The following PLXNA2 variants were observed in gnomAD, a reference collection of about 807,000 sequenced individuals.
PLXNA2 encodes plexin A2.
PLXNA2 carries 91 observed loss-of-function variants against 193.5 expected under a neutral mutation model. That is an observed-to-expected ratio of 0.47 (90% CI 0.40 to 0.56). The LOEUF (loss-of-function observed/expected upper bound fraction) is 0.56. Ranked by LOEUF, PLXNA2 falls within the 20% of genes least tolerant of loss-of-function variation. The pLI, the probability that PLXNA2 is intolerant of heterozygous loss-of-function variation, is 0.00. For synonymous variants in PLXNA2, 997 were observed against 1,027.3 expected, an observed-to-expected ratio of 0.97 and a Z score of 0.56; for missense variants, 1,995 against 2,503.2, an observed-to-expected ratio of 0.80 and a Z score of 4.33.
chr1:208,080,323 CT>C (rs544786677), intron 11 of PLXNA2, among the ~76,000 whole-genome samples: 1,519 of 151,490 alleles, frequency 0.01, 13 homozygotes, highest in Middle Eastern at 0.041. Context: ...AACCCTTTGT[CT>C]TTTTTTTTGT....
chr1:208,028,269 TC>T lies in PLXNA2; in HGVS notation c.5439-111del. On this transcript the variant is annotated intron_variant, in intron 30 of 31. Transcript: ENST00000367033. This position sits in a 1 kb window ranked among gnomAD's most constrained non-coding sequence, Gnocchi z 4.2. The stretch of plus-strand genomic sequence containing the variant: ...ACTGATGTACCCAGTTGCTCCTGCC[TC>T]CCTATTTCTCTTCTGATGTGGCTTC... 1.0e-6 allele frequency: 1 copy of T among 977,786 alleles called. No homozygotes were observed. The highest frequency in any genetic ancestry group is 1.5e-6 in the Non-Finnish European group (1 of 671,632). The allele number at this position is 977,786 out of a possible 1,614,324, so 60.6% of individuals were successfully genotyped here. A position where few individuals can be genotyped will look rare whatever the true frequency, so the allele number is the denominator to read the frequency against.
At chr1:208,192,486 C>G (rs192637516) in intron 3 of PLXNA2, among the ~76,000 whole-genome samples, 2 of 152,072 alleles carry the variant, frequency 1.3e-5, no homozygotes, top group African/African-American at 4.8e-5. Flanking sequence ...CCTAACCCTA[C>G]TAGAAGAAAT....
rs1671864701 is a variant in PLXNA2, at chr1:208,236,620, C to T, written c.-81+7023G>A. On this transcript the variant is annotated intron_variant, in intron 1 of 31. Transcript: ENST00000367033. This position sits in a 1 kb window ranked among gnomAD's most constrained non-coding sequence, Gnocchi z 4.4. ...ACAATCCATAGGCTCCGCTGACATT[C>T]TGAGCTGTCCCTGGCGTGTTCTCGT... Among the ~76,000 whole-genome samples, 1 of 152,236 alleles carries T rather than the reference C, an allele frequency of 6.6e-6. No individual in the cohort carries two copies. Among genetic ancestry groups the T allele is most frequent in the African/African-American group, 2.4e-5 (1 of 41,456 alleles).
chr1:208,182,867 T>G (rs1669888431), intron 3 of PLXNA2, among the ~76,000 whole-genome samples: 1 of 152,064 alleles, frequency 6.6e-6, no homozygotes, highest in African/African-American at 2.4e-5. Flanking sequence ...TAATGCAGCT[T>G]CTGGCTAGGG....
At position 208,023,166 on chromosome 1, in the gene PLXNA2, T is replaced by C. The variant is rs1054815788; in HGVS notation, c.*4077A>G. On this transcript the variant is annotated 3_prime_UTR_variant, in exon 32 of 32. Transcript: ENST00000367033. ...ATCTGCTCCCACAGCCCTGTGTCTG[T>C]GAAGCCACTTTGCATTTTCTCACCC... 6.6e-6 allele frequency: 1 copy of C among 152,274 alleles called. No individual in the cohort carries two copies. Among genetic ancestry groups the C allele is most frequent in the African/African-American group, 2.4e-5 (1 of 41,454 alleles). The allele number at this position is 152,274 out of a possible 1,614,324, so 9.4% of individuals were successfully genotyped here.
intron 12 of PLXNA2, among the ~76,000 whole-genome samples, chr1:208,075,425 T>C (rs1483008304): frequency 1.3e-5 from 2 of 152,244 alleles, no homozygotes; most frequent in Admixed American, 6.5e-5. Context: ...GAGCATTCTA[T>C]TGAAAGGTAC....
chr1:208,079,830 T>C (rs1245511928), intron 11 of PLXNA2, among the ~76,000 whole-genome samples: 1 of 152,196 alleles, frequency 6.6e-6, no homozygotes, highest in Non-Finnish European at 1.5e-5. Flanking sequence ...GTATATTAAG[T>C]GCTTAGCACA....
At chr1:208,105,058 A>G (rs1454643635) in intron 4 of PLXNA2, among the ~76,000 whole-genome samples, 1 of 152,202 alleles carries the variant, frequency 6.6e-6, no homozygotes, top group African/African-American at 2.4e-5. Context: ...GACACACAGC[A>G]TCAGGGTCGA....
At chr1:208,071,943 C>T (rs1665991506) in intron 12 of PLXNA2, among the ~76,000 whole-genome samples, 1 of 152,126 alleles carries the variant, frequency 6.6e-6, no homozygotes, top group South Asian at 2.1e-4. Context: ...TTTAAATGTC[C>T]CACAGTTTCC....
chr1:208,151,458 G>C (rs1433711950), intron 3 of PLXNA2, among the ~76,000 whole-genome samples: 1 of 152,144 alleles, frequency 6.6e-6, no homozygotes, highest in African/African-American at 2.4e-5. Context: ...CCAAGCTCTG[G>C]AATAGGGTGT....
chr1:208,185,698 AAAAAAAAAAAAAAAAAAAAAGG>A (rs1323958651), intron 3 of PLXNA2, among the ~76,000 whole-genome samples: 1 of 116,408 alleles, frequency 8.6e-6, no homozygotes, highest in African/African-American at 3.5e-5. Context: ...TCTGAAAGCA[AAAAAAAAAAAAAAAAAAAAAGG>A]AAAAAAAAAA....
At chr1:208,214,622 T>C (rs759307409) in intron 2 of PLXNA2, among the ~76,000 whole-genome samples, 1 of 152,188 alleles carries the variant, frequency 6.6e-6, no homozygotes, top group Non-Finnish European at 1.5e-5. Context: ...CTTGGTCTCA[T>C]ATATTTTTTT....
intron 4 of PLXNA2, among the ~76,000 whole-genome samples, chr1:208,141,967 G>A (rs1005231917): frequency 6.6e-6 from 1 of 152,234 alleles, no homozygotes; most frequent in African/African-American, 2.4e-5. Context: ...CAGCCCAGAG[G>A]CCTGGATTAT....
intron 22 of PLXNA2, among the ~76,000 whole-genome samples, chr1:208,040,844 G>C (rs551730897): frequency 6.6e-6 from 1 of 152,184 alleles, no homozygotes; most frequent in African/African-American, 2.4e-5. Context: ...GCAAGGGCTG[G>C]CCCCCCTCCC....
At chr1:208,218,917 C>T (rs111975083) in intron 1 of PLXNA2, among the ~76,000 whole-genome samples, 76 of 152,322 alleles carry the variant, frequency 5.0e-4, no homozygotes, top group African/African-American at 1.7e-3. Flanking sequence ...CTAGGGGTTA[C>T]TGGCTGGCTG....
At position 208,044,583 on chromosome 1, in the gene PLXNA2, T is replaced by C; in HGVS notation, c.3799A>G (p.Asn1267Asp). ...LIAYKRKSRE[N>D]DLTLKRLQMQ... ...TGCAGCCGCTTGAGAGTGAGGTCAT[T>C]TTCTCGAGACTTGCGCTTGTAGGCA... Residue 1267 changes from asparagine (N) to aspartate (D), a missense_variant, in exon 20 of 32, where the codon AAT (asparagine) becomes GAT (aspartate). Coordinates refer to ENST00000367033, the MANE Select transcript of PLXNA2 (RefSeq NM_025179.4). This position sits in a 1 kb window ranked among gnomAD's most constrained non-coding sequence, Gnocchi z 4.9. 6.2e-7 allele frequency: 1 copy of C among 1,614,038 alleles called. No homozygotes were observed. The highest frequency in any genetic ancestry group is 8.5e-7 in the Non-Finnish European group (1 of 1,180,018).
chr1:208,180,291 G>T (rs1402637465), intron 3 of PLXNA2, among the ~76,000 whole-genome samples: 3 of 152,084 alleles, frequency 2.0e-5, no homozygotes, highest in Admixed American at 2.0e-4. Context: ...TCTTCAGGCT[G>T]TCAGCAGAAG....
chr1:208,103,317 C>A, intron 4 of PLXNA2, 70 bp from the exon 5 acceptor site: 12 of 1,182,958 alleles, frequency 1.0e-5, no homozygotes, highest in Non-Finnish European at 1.3e-5. Context: ...GTCACACAGT[C>A]CTGTGTGTAC....
chr1:208,086,979 C>A (rs2498027), intron 9 of PLXNA2, among the ~76,000 whole-genome samples: 26 of 65,492 alleles, frequency 4.0e-4, no homozygotes, highest in Middle Eastern at 0.013. Context: ...CTCTCTCTCT[C>A]TGTGTGTGTG....
Sources: gnomAD v4.1 joint callset for allele counts (sites outside exome capture counted in the v4.1 genomes callset) on GRCh38, gnomAD v4.1.1 for gene constraint, Gnocchi (gnomAD v3.1) non-coding constraint, MANE v1.5 for transcripts, NCBI Gene and HGNC (gene_info 2026-07-23, HGNC 2026-07-21) for gene names.